The following CD6 variants were observed in gnomAD, a reference collection of about 807,000 sequenced individuals.
The protein encoded by CD6 is T-cell differentiation antigen CD6.
In CD6, 53 loss-of-function variants were observed where a neutral mutation model predicts 75.3. The ratio of observed to expected loss-of-function variants is 0.70; its 90% CI spans 0.56 to 0.88. The LOEUF (loss-of-function observed/expected upper bound fraction) is 0.88, where lower values mean the gene tolerates loss of function less well. CD6 is among the 40% of genes least tolerant of loss of function. The pLI, the probability that CD6 is intolerant of heterozygous loss-of-function variation, is 0.00. For missense variants in CD6, 770 were observed against 897.1 expected, an observed-to-expected ratio of 0.86 and a Z score of 1.81; for synonymous variants, 359 against 381.5, an observed-to-expected ratio of 0.94 and a Z score of 0.69.
At chr11:61,017,662 C>A in intron 10 of CD6, 97 bp from the exon 11 acceptor site, 1 of 1,588,138 alleles carries the variant, frequency 6.3e-7, no homozygotes, top group East Asian at 2.2e-5. Context: ...TCCTGACTTT[C>A]ACAAATCCTA....
chr11:61,000,757 G>A (rs909544313), intron 1 of CD6, among the ~76,000 whole-genome samples: 14 of 152,290 alleles, frequency 9.2e-5, no homozygotes, highest in South Asian at 4.1e-4. Flanking sequence ...GTCCCGTTCC[G>A]TTTTCTCAAA....
chr11:61,008,859 G>A lies in CD6; in HGVS notation c.781+14G>A, dbSNP rs929780266. On this transcript the variant is annotated intron_variant, in intron 4 of 12. Coordinates refer to ENST00000313421, the MANE Select transcript of CD6 (RefSeq NM_006725.5). ...CGGTGTGCTCAGGTCAGTGGGCGGAGTCACTGAAGCCCGGTCACTACCAAC... is the reference window on the plus strand; with the variant it reads ...CGGTGTGCTCAGGTCAGTGGGCGGAATCACTGAAGCCCGGTCACTACCAAC... The A allele has an allele frequency of 6.6e-7, 1 of 1,519,894 alleles. No homozygotes were observed. The highest frequency in any genetic ancestry group is 1.8e-4 in the Middle Eastern group (1 of 5,638). 94.2% of individuals were successfully genotyped at this position (1,519,894 alleles called of 1,614,324 possible).
At chr11:61,001,645 T>C (rs1419125180) in intron 1 of CD6, among the ~76,000 whole-genome samples, 1 of 152,234 alleles carries the variant, frequency 6.6e-6, no homozygotes, top group Non-Finnish European at 1.5e-5. Flanking sequence ...CATACATACC[T>C]AATTTTACAT....
At position 61,011,055 on chromosome 11, in the gene CD6, G is replaced by C; in HGVS notation, c.1085-15G>C. ...AGTAACATGCATTGAGTGACTGGGC[G>C]GTGCTTTCTGACAGCTTCCCGGAGT... is the stretch of plus-strand genomic sequence containing the variant. On this transcript the variant is annotated splice_polypyrimidine_tract_variant and intron_variant, in intron 5 of 12. Coordinates refer to ENST00000313421, the MANE Select transcript of CD6 (RefSeq NM_006725.5). 6.2e-7 allele frequency: 1 copy of C among 1,613,428 alleles called. No homozygotes were observed. The highest frequency in any genetic ancestry group is 1.1e-5 in the South Asian group (1 of 91,064).
Position 61,013,391 on chromosome 11 carries a change from C to G in CD6, c.1151-32C>G, listed in dbSNP as rs1161023297. 17 of 1,612,016 alleles carry G rather than the reference C, an allele frequency of 1.1e-5. 1 individual carries two copies. The highest frequency in any genetic ancestry group is 1.4e-5 in the Non-Finnish European group (16 of 1,178,636). On this transcript the variant is annotated intron_variant, in intron 6 of 12. Transcript: ENST00000313421. Reference sequence around the variant, plus strand: ...AGAAGAAGGGTGAGTGCCCATTCCTCTTTCTTCCTGAATTGGAATTCTTGT... The same window carrying G: ...AGAAGAAGGGTGAGTGCCCATTCCTGTTTCTTCCTGAATTGGAATTCTTGT...
chr11:61,013,652 A>G, intron 7 of CD6, 89 bp downstream of exon 7: 1 of 1,431,964 alleles, frequency 7.0e-7, no homozygotes, highest in Admixed American at 1.9e-5. Flanking sequence ...TCCAGCAATG[A>G]CCACCCGGCC....
intron 1 of CD6, among the ~76,000 whole-genome samples, chr11:60,977,572 C>A (rs534857648): frequency 1.3e-5 from 2 of 152,378 alleles, no homozygotes; most frequent in East Asian, 3.9e-4. Flanking sequence ...CCCACCTTCC[C>A]AGTGTTGGCC....
intron 5 of CD6, 101 bp downstream of exon 5, chr11:61,009,975 G>A (rs545394915): frequency 1.4e-5 from 17 of 1,180,774 alleles, no homozygotes; most frequent in African/African-American, 4.6e-5. Flanking sequence ...GCACCAGATC[G>A]GCAATGGCAC....
intron 4 of CD6, 63 bp from the exon 5 acceptor site, chr11:61,009,509 G>A (rs1859039792): frequency 6.9e-7 from 1 of 1,459,072 alleles, no homozygotes; most frequent in Non-Finnish European, 9.1e-7. Flanking sequence ...GTGGGTCTGG[G>A]CTGGCGGGAA....
At chr11:60,978,798 G>C (rs1276628818) in intron 1 of CD6, among the ~76,000 whole-genome samples, 1 of 152,184 alleles carries the variant, frequency 6.6e-6, no homozygotes, top group African/African-American at 2.4e-5. Context: ...CATGGCCCCA[G>C]GGTGGTTTCT....
chr11:60,990,250 T>C (rs922925012), intron 1 of CD6, among the ~76,000 whole-genome samples: 3 of 152,168 alleles, frequency 2.0e-5, no homozygotes, highest in Non-Finnish European at 2.9e-5. Flanking sequence ...TTTGAGATGG[T>C]GTCTCGCACT....
chr11:60,981,690 C>T (rs558946917), intron 1 of CD6, among the ~76,000 whole-genome samples: 11 of 152,266 alleles, frequency 7.2e-5, no homozygotes, highest in Non-Finnish European at 1.0e-4. Context: ...GCAGGCGCTC[C>T]CAGGGACAAC....
At chr11:61,001,887 C>G (rs1858601992) in intron 1 of CD6, among the ~76,000 whole-genome samples, 1 of 152,214 alleles carries the variant, frequency 6.6e-6, no homozygotes, top group African/African-American at 2.4e-5. Context: ...AAGCACGGGG[C>G]CCTGTGCACA....
At chr11:61,017,638 C>A (rs764548466) in intron 10 of CD6, 88 bp downstream of exon 10, 45 of 1,570,168 alleles carry the variant, frequency 2.9e-5, no homozygotes, top group Non-Finnish European at 3.5e-5. Flanking sequence ...CAGGAACCTC[C>A]CTCAATGAGT....
intron 1 of CD6, among the ~76,000 whole-genome samples, chr11:60,990,674 C>G (rs984838202): frequency 6.6e-6 from 1 of 152,090 alleles, no homozygotes; most frequent in Non-Finnish European, 1.5e-5. Context: ...CCCTAGAACA[C>G]ACACTCCAAA....
At chr11:61,011,496 C>A (rs937934034) in intron 6 of CD6, among the ~76,000 whole-genome samples, 11 of 152,166 alleles carry the variant, frequency 7.2e-5, no homozygotes, top group Non-Finnish European at 1.2e-4. Flanking sequence ...CTTGGCCCAG[C>A]TGGGTAGCGG....
chr11:61,018,099 G>A lies in CD6; in HGVS notation c.1837+86G>A, dbSNP rs1859505886. 8.6e-6 allele frequency: 13 copies of A among 1,520,334 alleles called. No individual in the cohort carries two copies. The South Asian group carries it at 1.3e-4, about 16-fold the overall frequency. The allele number at this position is 1,520,334 out of a possible 1,614,324, so 94.2% of individuals were successfully genotyped here. ...GCTGGGAGCCCTGAGTCAGGCTGAG[G>A]TCAGGATTCTACCCAGTTCCGCAGC... On this transcript the variant is annotated intron_variant, in intron 11 of 12. Coordinates refer to ENST00000313421, the MANE Select transcript of CD6 (RefSeq NM_006725.5).
chr11:60,984,265 G>A (rs531110618), intron 1 of CD6, among the ~76,000 whole-genome samples: 20 of 152,322 alleles, frequency 1.3e-4, no homozygotes, highest in South Asian at 2.1e-4. Flanking sequence ...ACCTGGTGGT[G>A]ATATTATAAT....
intron 1 of CD6, among the ~76,000 whole-genome samples, chr11:61,005,324 C>T (rs1042054019): frequency 1.3e-5 from 2 of 152,178 alleles, no homozygotes; most frequent in Non-Finnish European, 2.9e-5. Context: ...AAGCAATGTC[C>T]TTCACATGAG....
Sources: allele counts gnomAD v4.1 joint callset (sites outside exome capture counted in the v4.1 genomes callset), GRCh38; gene constraint gnomAD v4.1.1; transcripts MANE v1.5; gene names NCBI Gene and HGNC (gene_info 2026-07-23, HGNC 2026-07-21).